MASP2: variants seen among roughly 807,000 people sequenced by gnomAD.
MASP2 encodes the protein mannan-binding lectin serine protease 2.
MASP2 carries 49 observed loss-of-function variants against 57.1 expected under a neutral mutation model. That is an observed-to-expected ratio of 0.86 (90% CI 0.68 to 1.09). MASP2 has a LOEUF of 1.09. MASP2 is among the 50% of genes least tolerant of loss of function. MASP2 has a pLI of 0.00. For synonymous variants in MASP2, 379 were observed against 340.8 expected, an observed-to-expected ratio of 1.11 and a Z score of -1.24; for missense variants, 900 against 874.8, an observed-to-expected ratio of 1.03 and a Z score of -0.36.
At chr1:11,046,182 T>G in intron 3 of MASP2, 1 of 320,252 alleles carries the variant, frequency 3.1e-6, no homozygotes. Context: ...CCAGCTAATT[T>G]TTGTAGTTTT....
chr1:11,030,918 T>C (rs1643833610), intron 8 of MASP2, 36 bp from the exon 9 acceptor site: 9 of 1,601,454 alleles, frequency 5.6e-6, no homozygotes, highest in Non-Finnish European at 6.0e-6. Context: ...AATCCATTGA[T>C]CATTTCAGTG....
chr1:11,044,973 G>A (rs746666229), intron 4 of MASP2: 3 of 1,610,154 alleles, frequency 1.9e-6, no homozygotes, highest in Non-Finnish European at 2.5e-6. Flanking sequence ...AGATCAGAGA[G>A]GCAAGGAGAG....
intron 8 of MASP2, among the ~76,000 whole-genome samples, chr1:11,032,817 G>T (rs1338511965): frequency 6.6e-6 from 1 of 151,550 alleles, no homozygotes; most frequent in African/African-American, 2.4e-5. Context: ...GCTGAGGCAG[G>T]ATAATTACTT....
intron 10 of MASP2, among the ~76,000 whole-genome samples, chr1:11,028,777 A>G (rs1643788768): frequency 6.8e-6 from 1 of 146,560 alleles, no homozygotes; most frequent in Non-Finnish European, 1.5e-5. Context: ...GCAGTGGTAC[A>G]ATCTTGGCTC....
chr1:11,036,490 G>A (rs1370067759), intron 7 of MASP2, among the ~76,000 whole-genome samples: 4 of 107,678 alleles, frequency 3.7e-5, no homozygotes, highest in Non-Finnish European at 6.8e-5. Context: ...CGGCCTGGGC[G>A]ACAGAGCGAG....
rs111949522 is a variant in MASP2, at chr1:11,039,972, G to T, written c.890-2161C>A. 2.0e-3 allele frequency among the ~76,000 whole-genome samples: 298 copies of T among 151,038 alleles called. 4 individuals are homozygous for T. The highest frequency in any genetic ancestry group is 6.4e-3 in the African/African-American group (264 of 40,996). On this transcript the variant is annotated intron_variant, in intron 6 of 10. Transcript: ENST00000400897. ...GTAAGAATGGGCGGATGGGTAAATG[G>T]ATGGGTGGGTGGATGAATGAGGGAT... is the stretch of plus-strand genomic sequence containing the variant.
chr1:11,045,245 AG>A, intron 4 of MASP2, 162 bp downstream of exon 4: 1 of 1,029,024 alleles, frequency 9.7e-7, no homozygotes. Flanking sequence ...GGCTGCTGAG[AG>A]GGGAAGCAGG....
chr1:11,045,713 G>T, intron 3 of MASP2, 174 bp from the exon 4 acceptor site: 1 of 636,438 alleles, frequency 1.6e-6, no homozygotes, highest in Non-Finnish European at 2.7e-6. Context: ...GTCGCTGCAA[G>T]CTCCCAGCAG....
At chr1:11,038,746 C>A (rs1264748905) in intron 6 of MASP2, among the ~76,000 whole-genome samples, 1 of 152,170 alleles carries the variant, frequency 6.6e-6, no homozygotes, top group Non-Finnish European at 1.5e-5. Flanking sequence ...CTTGGTGGAC[C>A]TGTGGAGGCC....
chr1:11,029,632 ATCT>A (rs374266859), intron 10 of MASP2: 1 of 48,550 alleles, frequency 2.1e-5, no homozygotes, highest in African/African-American at 4.7e-5. Flanking sequence ...AATTTTTAAA[ATCT>A]TTTTTTTTTT....
chr1:11,033,311 A>C (rs1307189401), intron 8 of MASP2, among the ~76,000 whole-genome samples: 1 of 140,158 alleles, frequency 7.1e-6, no homozygotes, highest in Non-Finnish European at 1.6e-5. Context: ...CTGGGCAACA[A>C]GAACAAAACT....
At chr1:11,033,701 C>T (rs948721299) in intron 8 of MASP2, among the ~76,000 whole-genome samples, 9 of 151,846 alleles carry the variant, frequency 5.9e-5, no homozygotes, top group Non-Finnish European at 1.3e-4. Flanking sequence ...AAGCCTGAGG[C>T]GGGCAGATCA....
In MASP2 at chr1:11,046,691, C is replaced by G. The variant is rs747767865; in HGVS notation, c.277G>C (p.Glu93Gln). 3 of 1,613,448 alleles carry G rather than the reference C, an allele frequency of 1.9e-6. No homozygotes were observed. The highest frequency in any genetic ancestry group is 2.5e-6 in the Non-Finnish European group (3 of 1,180,004). The change falls in exon 3 of 11, where the codon GAG becomes CAG. Residue 93 changes from glutamate (E) to glutamine (Q), a missense_variant. Physicochemically the swap from Glu to Gln is conservative, Grantham distance 29. Transcript: ENST00000400897. ...GGGGCCCGCTCCGTGTCTGTGCTCTCCTGCCCGCACAGCGTGGCCAGCACC... is the reference window on the plus strand; with the variant it reads ...GGGGCCCGCTCCGTGTCTGTGCTCTGCTGCCCGCACAGCGTGGCCAGCACC... Reference protein sequence around the residue: ...AKVLATLCGQESTDTERAPGK... With the variant: ...AKVLATLCGQQSTDTERAPGK...
intron 4 of MASP2, 78 bp downstream of exon 4, chr1:11,045,330 G>T: frequency 6.2e-7 from 1 of 1,601,580 alleles, no homozygotes; most frequent in East Asian, 2.2e-5. Flanking sequence ...CCGCACCCCT[G>T]GGCAGAGCAG....
rs375366541 is a variant in MASP2 at position 11,043,477 on chromosome 1, G to A, written c.603C>T (p.Tyr201=). 6.2e-7 allele frequency: 1 copy of A among 1,609,752 alleles called. No homozygotes were observed. The highest frequency in any genetic ancestry group is 8.5e-7 in the Non-Finnish European group (1 of 1,178,586). ...QRSGELSSPE[Y]PRPYPKLSSC... is the part of the protein sequence containing the mutation. ...TGGAGAGTTTGGGATACGGCCGTGG[G>A]TATTCAGGGCTGCTGAGCTCCCCAG... The change falls in exon 5 of 11, where the codon TAC becomes TAT. Residue 201 remains tyrosine, a synonymous_variant. Coordinates refer to ENST00000400897, the MANE Select transcript of MASP2 (RefSeq NM_006610.4).
intron 8 of MASP2, among the ~76,000 whole-genome samples, chr1:11,031,335 A>G (rs1643840592): frequency 1.3e-5 from 2 of 151,856 alleles, no homozygotes; most frequent in African/African-American, 4.8e-5. Flanking sequence ...CATCCTGGCT[A>G]ACACGGTGAA....
intron 4 of MASP2, among the ~76,000 whole-genome samples, chr1:11,043,820 C>A (rs936442310): frequency 6.6e-6 from 1 of 151,996 alleles, no homozygotes; most frequent in Admixed American, 6.6e-5. Flanking sequence ...CAGGCCCTCA[C>A]TCACACCCCC....
At position 11,033,971 on chromosome 1, in the gene MASP2, T is replaced by A. The variant is rs371056487; in HGVS notation, c.1087+857A>T. ...CACACACACACACACACACACTCTC[T>A]CTCTCTCTCTCTCTCACACACTTTG... On this transcript the variant is annotated intron_variant, in intron 8 of 10. Transcript: ENST00000400897. Among the ~76,000 whole-genome samples, 38 of 126,946 alleles carry A rather than the reference T, an allele frequency of 3.0e-4. No homozygotes were observed. In the East Asian group the frequency reaches 3.6e-3, roughly 12 times the overall value. The allele number at this position is 126,946 out of a possible 152,430, so 83.3% of individuals were successfully genotyped here.
rs1160680966 is a variant in MASP2 at position 11,030,598 on chromosome 1, T to C, written c.1222+150A>G. The C allele has an allele frequency of 7.1e-6, 6 of 839,706 alleles. No homozygotes were observed. In the Admixed American group the frequency reaches 2.1e-4, roughly 29 times the overall value. The allele number at this position is 839,706 out of a possible 1,614,324, so 52.0% of individuals were successfully genotyped here. Reference sequence around the variant, plus strand: ...TTGCAAATTGACATTAAAGTCACTTTAGCTATAATATTTCACTTAGCGGAT... The same window carrying C: ...TTGCAAATTGACATTAAAGTCACTTCAGCTATAATATTTCACTTAGCGGAT... On this transcript the variant is annotated intron_variant, in intron 9 of 10. Transcript: ENST00000400897.
Sources: allele counts gnomAD v4.1 joint callset (sites outside exome capture counted in the v4.1 genomes callset), GRCh38; gene constraint gnomAD v4.1.1; transcripts MANE v1.5; gene names NCBI Gene and HGNC (gene_info 2026-07-23, HGNC 2026-07-21).